The following SLC35F1 variants were observed in gnomAD, a reference collection of about 807,000 sequenced individuals.
The protein encoded by SLC35F1 is chromosome 6 open reading frame 169.
Under a neutral mutation model 48.7 loss-of-function variants are expected in SLC35F1, and 14 were observed. The ratio of observed to expected loss-of-function variants is 0.29; its 90% CI spans 0.19 to 0.45. The LOEUF (loss-of-function observed/expected upper bound fraction) is 0.45. Among genes scored for constraint, SLC35F1 ranks in the 20% least tolerant of loss-of-function variants. SLC35F1 has a pLI of 1.00. For synonymous variants in SLC35F1, 190 were observed against 202.2 expected (o/e 0.94, Z 0.51); for missense variants, 404 against 500.0 (o/e 0.81, Z 1.83).
At chr6:118,291,090 G>A (rs1776115849) in intron 7 of SLC35F1, among the ~76,000 whole-genome samples, 1 of 152,096 alleles carries the variant, frequency 6.6e-6, no homozygotes, top group Non-Finnish European at 1.5e-5. Flanking sequence ...ACCATGCCCA[G>A]CCAGAAAATT....
intron 1 of SLC35F1, among the ~76,000 whole-genome samples, chr6:117,986,817 T>C (rs1427489683): frequency 6.6e-6 from 1 of 152,236 alleles, no homozygotes; most frequent in Non-Finnish European, 1.5e-5. Flanking sequence ...GAAGAGCTTT[T>C]GCTCTCGACA....
At chr6:118,293,920 A>C (rs1776153805) in intron 7 of SLC35F1, among the ~76,000 whole-genome samples, 1 of 152,238 alleles carries the variant, frequency 6.6e-6, no homozygotes, top group Non-Finnish European at 1.5e-5. Flanking sequence ...AACAGCATGG[A>C]CTTCAGAGTC....
chr6:118,262,645 A>C (rs1223940031), intron 3 of SLC35F1, among the ~76,000 whole-genome samples: 1 of 152,214 alleles, frequency 6.6e-6, no homozygotes, highest in Non-Finnish European at 1.5e-5. Flanking sequence ...TTAGACCATC[A>C]GTTCCCTTAT....
chr6:118,083,547 A>T (rs1223549310), intron 1 of SLC35F1, among the ~76,000 whole-genome samples: 1 of 152,228 alleles, frequency 6.6e-6, no homozygotes, highest in Non-Finnish European at 1.5e-5. Context: ...TCCCTCACAG[A>T]TATTAAAAGC....
intron 3 of SLC35F1, among the ~76,000 whole-genome samples, chr6:118,242,233 G>A (rs943528027): frequency 6.6e-6 from 1 of 152,252 alleles, no homozygotes; most frequent in African/African-American, 2.4e-5. Flanking sequence ...CCAGCATTTG[G>A]TGTTACCATT....
chr6:118,199,135 A>G (rs779200687), intron 2 of SLC35F1, among the ~76,000 whole-genome samples: 9 of 152,310 alleles, frequency 5.9e-5, no homozygotes, highest in Non-Finnish European at 1.0e-4. Context: ...GACCCAAAGT[A>G]TTGTAGGACA....
chr6:118,030,967 T>C (rs368538689), intron 1 of SLC35F1, among the ~76,000 whole-genome samples: 2 of 152,254 alleles, frequency 1.3e-5, no homozygotes. Context: ...ATGAATAAAC[T>C]GTAGTTTTTG....
chr6:118,273,933 G>A, intron 4 of SLC35F1, among the ~76,000 whole-genome samples: 1 of 152,154 alleles, frequency 6.6e-6, no homozygotes, highest in South Asian at 2.1e-4. Flanking sequence ...CTTAGAAAAA[G>A]TGGCACCATT....
intron 1 of SLC35F1, among the ~76,000 whole-genome samples, chr6:118,081,085 G>A (rs73525690): frequency 0.015 from 2,250 of 152,208 alleles, 60 homozygotes; most frequent in African/African-American, 0.052. Context: ...AGCTCAGAGC[G>A]TCACATTAAA....
At chr6:118,172,663 CA>C (rs1487202087) in intron 2 of SLC35F1, among the ~76,000 whole-genome samples, 1 of 151,760 alleles carries the variant, frequency 6.6e-6, no homozygotes, top group African/African-American at 2.4e-5. Flanking sequence ...TTTCCTGGCT[CA>C]AAAAAATGGG....
chr6:118,297,290 G>T (rs558895798), intron 7 of SLC35F1, among the ~76,000 whole-genome samples: 1 of 152,064 alleles, frequency 6.6e-6, no homozygotes, highest in Non-Finnish European at 1.5e-5. Flanking sequence ...CTGAAATATA[G>T]GTTCTTCTTT....
At chr6:118,152,237 A>C (rs1774071234) in intron 1 of SLC35F1, among the ~76,000 whole-genome samples, 1 of 152,194 alleles carries the variant, frequency 6.6e-6, no homozygotes, top group African/African-American at 2.4e-5. Flanking sequence ...GCAGACACAG[A>C]AGACCATATC....
At chr6:118,064,780 G>T (rs536140290) in intron 1 of SLC35F1, among the ~76,000 whole-genome samples, 6 of 152,250 alleles carry the variant, frequency 3.9e-5, no homozygotes, top group Non-Finnish European at 8.8e-5. Flanking sequence ...TATGTGTAAT[G>T]GTTATCTGTG....
At chr6:118,045,595 T>C (rs1172948134) in intron 1 of SLC35F1, among the ~76,000 whole-genome samples, 2 of 152,222 alleles carry the variant, frequency 1.3e-5, no homozygotes, top group Admixed American at 1.3e-4. Flanking sequence ...CCCTCGCAAC[T>C]GATTCCCGTG....
chr6:118,161,446 G>A (rs1774233406), intron 2 of SLC35F1, among the ~76,000 whole-genome samples: 1 of 152,178 alleles, frequency 6.6e-6, no homozygotes, highest in South Asian at 2.1e-4. Context: ...TTATTAGCAT[G>A]TGGGCATAAT....
chr6:118,229,463 G>A (rs1405737000), intron 2 of SLC35F1, among the ~76,000 whole-genome samples: 1 of 152,152 alleles, frequency 6.6e-6, no homozygotes, highest in Non-Finnish European at 1.5e-5. Context: ...TGGCAGTGGG[G>A]TGCCCTGCAA....
intron 3 of SLC35F1, among the ~76,000 whole-genome samples, chr6:118,251,218 G>A (rs1342855576): frequency 2.0e-5 from 3 of 152,156 alleles, no homozygotes; most frequent in South Asian, 2.1e-4. Flanking sequence ...AGCCCCAGGT[G>A]CACTTCAGCC....
intron 5 of SLC35F1, 145 bp downstream of exon 5, chr6:118,275,760 A>G: frequency 1.7e-6 from 1 of 597,256 alleles, no homozygotes; most frequent in Non-Finnish European, 2.8e-6. Flanking sequence ...TGCCAACTCA[A>G]TATCTTTATT....
intron 1 of SLC35F1, among the ~76,000 whole-genome samples, chr6:117,921,527 C>A (rs1357797290): frequency 6.6e-6 from 1 of 152,218 alleles, no homozygotes; most frequent in African/African-American, 2.4e-5. Context: ...AAAAATTTCT[C>A]CTTGTTGCTT....
Sources: gnomAD v4.1 joint callset for allele counts (sites outside exome capture counted in the v4.1 genomes callset) on GRCh38, gnomAD v4.1.1 for gene constraint, MANE v1.5 for transcripts, NCBI Gene and HGNC (gene_info 2026-07-23, HGNC 2026-07-21) for gene names.